Variants in SPTBN4 observed in about 807,000 individuals in gnomAD.
SPTBN4 encodes the protein spectrin beta, non-erythrocytic 4, also known as spectrin beta chain, non-erythrocytic 4.
Under a neutral mutation model 277.8 loss-of-function variants are expected in SPTBN4, and 96 were observed. The ratio of observed to expected loss-of-function variants is 0.35; its 90% CI spans 0.29 to 0.41. The LOEUF is 0.41. SPTBN4 is among the 10% of genes least tolerant of loss of function. The probability of loss-of-function intolerance (pLI) is 1.00; values close to 1 mark genes in which losing one functional copy is unlikely to be tolerated. For synonymous variants in SPTBN4, 1,481 were observed against 1,580.3 expected, an observed-to-expected ratio of 0.94 and a Z score of 1.49; for missense variants, 3,006 against 3,595.7, an observed-to-expected ratio of 0.84 and a Z score of 4.19.
In SPTBN4 at chr19:40,492,923, G is replaced by A. The variant is rs1327767459; in HGVS notation, c.496-40G>A. The A allele has an allele frequency of 2.5e-6, 4 of 1,587,714 alleles. No homozygotes were observed. The African/African-American group carries it at 4.0e-5, about 16-fold the overall frequency. On this transcript the variant is annotated intron_variant, in intron 4 of 35. Coordinates refer to ENST00000598249, the MANE Select transcript of SPTBN4 (RefSeq NM_020971.3). ...GAGTGGGGGGCATTCGAAGCCTCAAGCTCTCCAGGCCCTGGTAGCCATTTT... is the reference window on the plus strand; with the variant it reads ...GAGTGGGGGGCATTCGAAGCCTCAAACTCTCCAGGCCCTGGTAGCCATTTT...
intron 13 of SPTBN4, among the ~76,000 whole-genome samples, chr19:40,512,164 T>A (rs118106418): frequency 2.0e-4 from 30 of 152,324 alleles, no homozygotes; most frequent in Non-Finnish European, 3.4e-4. Flanking sequence ...TTCATTTGAC[T>A]CAGTTCTGAC....
chr19:40,477,145 T>A (rs2079958287), intron 2 of SPTBN4, among the ~76,000 whole-genome samples: 1 of 151,678 alleles, frequency 6.6e-6, no homozygotes, highest in Non-Finnish European at 1.5e-5. Context: ...GCTTGAGCAA[T>A]CCTCCCACCG....
chr19:40,487,988 A>G, intron 3 of SPTBN4, 140 bp downstream of exon 3: 1 of 1,001,530 alleles, frequency 1.0e-6, no homozygotes, highest in Non-Finnish European at 1.4e-6. Flanking sequence ...CCTGTGGGTA[A>G]GAGGTCCCTC....
chr19:40,565,187 C>T (rs1243579618), intron 27 of SPTBN4, among the ~76,000 whole-genome samples: 1 of 151,826 alleles, frequency 6.6e-6, no homozygotes, highest in African/African-American at 2.4e-5. Context: ...ATCGCCTGAA[C>T]TCGGGAGGTG....
intron 20 of SPTBN4, among the ~76,000 whole-genome samples, chr19:40,537,461 C>T (rs1314731271): frequency 6.6e-6 from 1 of 152,176 alleles, no homozygotes; most frequent in Non-Finnish European, 1.5e-5. Flanking sequence ...CAAATAACAT[C>T]TTAGTATTTT....
chr19:40,560,547 G>A lies in SPTBN4; in HGVS notation c.5915+144G>A. The A allele has an allele frequency of 6.5e-7, 1 of 1,536,746 alleles. No homozygotes were observed. The highest frequency in any genetic ancestry group is 1.2e-5 in the South Asian group (1 of 80,002). ...CTCTGTGTGCTAGGCACTGTTCTAG[G>A]TGCTTCGTGTGTATTCAGACCCCTT... On this transcript the variant is annotated intron_variant, in intron 27 of 35. Transcript: ENST00000598249. The surrounding 1 kb of genome is among the most constrained non-coding windows in gnomAD (Gnocchi z 5.2).
intron 20 of SPTBN4, among the ~76,000 whole-genome samples, chr19:40,541,619 G>T (rs1243565920): frequency 6.6e-6 from 1 of 152,122 alleles, no homozygotes; most frequent in South Asian, 2.1e-4. Context: ...TCTGAGGGGT[G>T]TAGTGGTGTG....
rs1317124335 is a variant in SPTBN4 at position 40,519,244 on chromosome 19, G to A, written c.2904-157G>A. Among the ~76,000 whole-genome samples, 4 of 152,232 alleles carry A rather than the reference G, an allele frequency of 2.6e-5. No homozygotes were observed. Among genetic ancestry groups the A allele is most frequent in the South Asian group, 2.1e-4 (1 of 4,830 alleles). On this transcript the variant is annotated intron_variant, in intron 15 of 35. Transcript: ENST00000598249. The surrounding 1 kb of genome is among the most constrained non-coding windows in gnomAD (Gnocchi z 5.7). ...TGGCTGCCCTAAGCAAAAGTGCTGC[G>A]TAGGGTTCCATTTTACACCGGCAGA...
Position 40,554,012 on chromosome 19 carries a change from C to G in SPTBN4, c.4675-135C>G. 1.1e-6 allele frequency: 1 copy of G among 899,908 alleles called. No individual in the cohort carries two copies. The highest frequency in any genetic ancestry group is 3.7e-4 in the Middle Eastern group (1 of 2,726). The allele number at this position is 899,908 out of a possible 1,614,324, so 55.7% of individuals were successfully genotyped here. ...AGTATCAGCAAAATGTTTACATGGT[C>G]TTGGCACGTGGTTAGCGAGCTGGGG... is the stretch of plus-strand genomic sequence containing the variant. On this transcript the variant is annotated intron_variant, in intron 22 of 35. Coordinates refer to ENST00000598249, the MANE Select transcript of SPTBN4 (RefSeq NM_020971.3). The surrounding 1 kb of genome is among the most constrained non-coding windows in gnomAD (Gnocchi z 5.7).
chr19:40,569,394 T>C (rs1599823464), intron 31 of SPTBN4, among the ~76,000 whole-genome samples: 1 of 130,002 alleles, frequency 7.7e-6, no homozygotes. Flanking sequence ...ACCACTACAC[T>C]CCAGCCTGGG....
chr19:40,472,523 C>T (rs2079896442), intron 1 of SPTBN4, 84 bp from the exon 2 acceptor site: 1 of 1,271,798 alleles, frequency 7.9e-7, no homozygotes, highest in Non-Finnish European at 1.1e-6. Context: ...AAATTGAGGA[C>T]AAGAGAGGGG....
intron 1 of SPTBN4, among the ~76,000 whole-genome samples, chr19:40,468,606 C>T (rs1287869664): frequency 1.3e-5 from 2 of 152,144 alleles, no homozygotes; most frequent in East Asian, 1.9e-4. Flanking sequence ...TCTCGAATTC[C>T]TGGCCTCAAG....
chr19:40,494,791 T>G lies in SPTBN4; in HGVS notation c.588-106T>G, dbSNP rs568582733. On this transcript the variant is annotated intron_variant, in intron 5 of 35. Coordinates refer to ENST00000598249, the MANE Select transcript of SPTBN4 (RefSeq NM_020971.3). Reference sequence around the variant, plus strand: ...CCATCTTTCTATGTTCTACCCCCTCTCTCTCATCTTCCTTCCCTATCATTC... The same window carrying G: ...CCATCTTTCTATGTTCTACCCCCTCGCTCTCATCTTCCTTCCCTATCATTC... 237 of 951,872 alleles carry G rather than the reference T, an allele frequency of 2.5e-4. No individual in the cohort carries two copies. The African/African-American group carries it at 3.5e-3, about 14-fold the overall frequency. The allele number at this position is 951,872 out of a possible 1,614,324, so 59.0% of individuals were successfully genotyped here. A position where few individuals can be genotyped will look rare whatever the true frequency, so the allele number is the denominator to read the frequency against.
chr19:40,479,396 G>A (rs116157954), intron 2 of SPTBN4, among the ~76,000 whole-genome samples: 226 of 152,104 alleles, frequency 1.5e-3, no homozygotes, highest in African/African-American at 5.3e-3. Flanking sequence ...TCTGTGTGAC[G>A]CCTCTCTCCA....
Position 40,487,759 on chromosome 19 carries a change from G to A in SPTBN4, c.232G>A (p.Val78Met). Residue 78 changes from valine to methionine, a missense_variant, in exon 3 of 36, where the codon GTG (valine) becomes ATG (methionine). Physicochemically the swap from Val to Met is conservative, Grantham distance 21. Coordinates refer to ENST00000598249, the MANE Select transcript of SPTBN4 (RefSeq NM_020971.3). ...TKWVNSHLARVGCHIGDLYVD... is the reference protein window; with the variant it reads ...TKWVNSHLARMGCHIGDLYVD... ...GTGGGTGAACTCGCACCTCGCCCGC[G>A]TGGGCTGCCACATCGGGGACCTCTA... The A allele has an allele frequency of 6.2e-7, 1 of 1,613,508 alleles. No homozygotes were observed. The highest frequency in any genetic ancestry group is 8.5e-7 in the Non-Finnish European group (1 of 1,179,774).
intron 17 of SPTBN4, among the ~76,000 whole-genome samples, 178 bp from the exon 18 acceptor site, chr19:40,528,863 T>G (rs1171591096): frequency 2.0e-5 from 3 of 152,058 alleles, no homozygotes. Context: ...TCTCTCTCTC[T>G]GCCCTTCTTC....
intron 30 of SPTBN4, 67 bp downstream of exon 30, chr19:40,566,426 A>G (rs2081093089): frequency 2.9e-6 from 4 of 1,359,686 alleles, no homozygotes; most frequent in Non-Finnish European, 3.9e-6. Flanking sequence ...ATGGCTCTAT[A>G]TGAGACAGAC....
chr19:40,554,038 G>T lies in SPTBN4; in HGVS notation c.4675-109G>T. 1 of 1,136,584 alleles carries T rather than the reference G, an allele frequency of 8.8e-7. No homozygotes were observed. Among genetic ancestry groups the T allele is most frequent in the Non-Finnish European group, 1.2e-6 (1 of 856,592 alleles). 70.4% of individuals were successfully genotyped at this position (1,136,584 alleles called of 1,614,324 possible). On this transcript the variant is annotated intron_variant, in intron 22 of 35. Coordinates refer to ENST00000598249, the MANE Select transcript of SPTBN4 (RefSeq NM_020971.3). The surrounding 1 kb of genome is among the most constrained non-coding windows in gnomAD (Gnocchi z 5.7). ...TTGGCACGTGGTTAGCGAGCTGGGG[G>T]TGCTTGTTAATTGCCCCGTGGGCCG...
In SPTBN4 at chr19:40,520,137, G is replaced by C; in HGVS notation, c.3640G>C (p.Val1214Leu). Residue 1214 changes from valine (V) to leucine (L), a missense_variant, in exon 16 of 36, where the codon GTG becomes CTG. Physicochemically the swap from Val to Leu is conservative, Grantham distance 32. Coordinates refer to ENST00000598249, the MANE Select transcript of SPTBN4 (RefSeq NM_020971.3). ...GCGGGATCTACGCCAGGCGCTCGTG[G>C]TGCTGCGTAACCAGGTGCCCACTCG... is the stretch of plus-strand genomic sequence containing the variant. ...FLRDLRQALV[V>L]LRNQEMALSG... is the part of the protein sequence containing the mutation. The C allele has an allele frequency of 6.9e-7, 1 of 1,442,788 alleles. No individual in the cohort carries two copies. Among genetic ancestry groups the C allele is most frequent in the Non-Finnish European group, 9.1e-7 (1 of 1,098,660 alleles). 89.4% of individuals were successfully genotyped at this position (1,442,788 alleles called of 1,614,324 possible).
Sources: gnomAD v4.1 joint callset for allele counts (sites outside exome capture counted in the v4.1 genomes callset) on GRCh38, gnomAD v4.1.1 for gene constraint, Gnocchi (gnomAD v3.1) non-coding constraint, MANE v1.5 for transcripts, NCBI Gene and HGNC (gene_info 2026-07-23, HGNC 2026-07-21) for gene names.